The following PPIH variants were observed in gnomAD, a reference collection of about 807,000 sequenced individuals.
PPIH encodes the protein peptidyl-prolyl cis-trans isomerase H.
Under a neutral mutation model 27.6 loss-of-function variants are expected in PPIH, and 16 were observed. The ratio of observed to expected loss-of-function variants is 0.58; its 90% CI spans 0.39 to 0.88. The LOEUF (loss-of-function observed/expected upper bound fraction) is 0.88. Among genes scored for constraint, PPIH ranks in the 40% least tolerant of loss-of-function variants. The pLI, the probability that PPIH is intolerant of heterozygous loss-of-function variation, is 0.00. For missense variants in PPIH, 155 were observed against 224.1 expected (o/e 0.69, Z 1.97); for synonymous variants, 63 against 76.1 (o/e 0.83, Z 0.90).
downstream of PPIH, chr1:42,681,262 T>G (rs1650009785): frequency 6.6e-6 from 1 of 152,236 alleles, no homozygotes; most frequent in African/African-American, 2.4e-5. Flanking sequence ...ATTCGAGTCT[T>G]ACTGAACTAC....
At chr1:42,659,812 C>T (rs570470708) in intron 4 of PPIH, among the ~76,000 whole-genome samples, 6 of 152,118 alleles carry the variant, frequency 3.9e-5, no homozygotes, top group African/African-American at 1.2e-4. Context: ...CTTGTTTGTG[C>T]GAATGCAGAT....
At chr1:42,668,253 T>C (rs1649447912) in intron 9 of PPIH, among the ~76,000 whole-genome samples, 1 of 152,202 alleles carries the variant, frequency 6.6e-6, no homozygotes, top group South Asian at 2.1e-4. Flanking sequence ...TCACTTAGAT[T>C]CACCAATGAT....
intron 8 of PPIH, among the ~76,000 whole-genome samples, chr1:42,667,051 T>G (rs931518238): frequency 6.6e-6 from 1 of 152,184 alleles, no homozygotes; most frequent in African/African-American, 2.4e-5. Context: ...TAGGCACAGT[T>G]CAAATACCCC....
chr1:42,677,420 C>A (rs1312322121), downstream of PPIH, among the ~76,000 whole-genome samples: 1 of 151,996 alleles, frequency 6.6e-6, no homozygotes, highest in South Asian at 2.1e-4. Context: ...TGCAGTGAGC[C>A]GAGATCGCGC....
chr1:42,662,559 A>G (rs558223172), intron 5 of PPIH, among the ~76,000 whole-genome samples: 27 of 145,718 alleles, frequency 1.9e-4, no homozygotes, highest in Admixed American at 2.7e-4. Flanking sequence ...GTCTAAAGGG[A>G]AAAAAAAAAA....
chr1:42,678,193 C>G (rs546106694), downstream of PPIH, among the ~76,000 whole-genome samples: 4 of 152,214 alleles, frequency 2.6e-5, no homozygotes, highest in South Asian at 2.1e-4. Flanking sequence ...GGAGGATGAA[C>G]AGCTGTGATC....
intron 9 of PPIH, 32 bp downstream of exon 9, chr1:42,667,472 A>C (rs1649405365): frequency 6.6e-7 from 1 of 1,514,040 alleles, no homozygotes. Context: ...TAGGTTAGGA[A>C]TCAGACCTCA....
intron 4 of PPIH, among the ~76,000 whole-genome samples, chr1:42,660,189 T>C (rs949308106): frequency 2.0e-5 from 3 of 152,202 alleles, no homozygotes; most frequent in Non-Finnish European, 2.9e-5. Flanking sequence ...CTTACATGTT[T>C]AGCAGTACAT....
At chr1:42,666,198 G>T in intron 7 of PPIH, 131 bp downstream of exon 7, 1 of 851,030 alleles carries the variant, frequency 1.2e-6, no homozygotes. Context: ...AGAGAAAACA[G>T]AAATGGTGGG....
intron 3 of PPIH, 28 bp downstream of exon 3, chr1:42,659,279 T>C: frequency 6.2e-7 from 1 of 1,614,228 alleles, no homozygotes; most frequent in Non-Finnish European, 8.5e-7. Flanking sequence ...TTGACTTCTT[T>C]GCCTGCTCCA....
chr1:42,674,198 G>A (rs1371273736), intron 9 of PPIH, among the ~76,000 whole-genome samples: 1 of 152,234 alleles, frequency 6.6e-6, no homozygotes, highest in African/African-American at 2.4e-5. Flanking sequence ...TAAATGCCCG[G>A]ATCTTCCCAG....
At chr1:42,665,081 C>G in intron 6 of PPIH, 126 bp downstream of exon 6, 1 of 747,364 alleles carries the variant, frequency 1.3e-6, no homozygotes, top group Non-Finnish European at 2.2e-6. Context: ...CAGGACTCAC[C>G]TTTACCACCT....
chr1:42,677,806 CAG>C (rs1649933054), downstream of PPIH, among the ~76,000 whole-genome samples: 1 of 152,194 alleles, frequency 6.6e-6, no homozygotes, highest in African/African-American at 2.4e-5. Flanking sequence ...GCCTGAGTGA[CAG>C]AGTGAGACCC....
intron 9 of PPIH, among the ~76,000 whole-genome samples, chr1:42,669,091 T>C (rs987764762): frequency 4.0e-5 from 6 of 150,236 alleles, no homozygotes; most frequent in Non-Finnish European, 7.4e-5. Flanking sequence ...ATGCCTGTAG[T>C]CCCAGCTACT....
intron 5 of PPIH, among the ~76,000 whole-genome samples, chr1:42,661,931 G>C (rs1020492149): frequency 9.2e-5 from 14 of 152,124 alleles, no homozygotes; most frequent in Admixed American, 6.6e-4. Context: ...GTGACAATTG[G>C]TTGGAATCAA....
chr1:42,669,999 A>G lies in PPIH; in HGVS notation c.*21+2559A>G, dbSNP rs1483940184. On this transcript the variant is annotated intron_variant, in intron 9 of 9. Transcript: ENST00000304979. ...TTTAATGACTCTACAACACACCTTT[A>G]TCTGTGACCAACTCTGTTCAGAAAG... Among the ~76,000 whole-genome samples the G allele has an allele frequency of 2.0e-5, 3 of 152,180 alleles. No homozygotes were observed. In the East Asian group the frequency reaches 5.8e-4, roughly 29 times the overall value.
rs534063295 is a variant in PPIH, at chr1:42,670,295, C to T, written c.*21+2855C>T. Among the ~76,000 whole-genome samples the T allele has an allele frequency of 2.6e-5, 4 of 152,280 alleles. No individual in the cohort carries two copies. In the South Asian group the frequency reaches 8.3e-4, roughly 32 times the overall value. ...TTCAATGGCTGCTGGCCATTCCCTC[C>T]GTCTCCTACTCATTTCTTTGCTGTA... is the stretch of plus-strand genomic sequence containing the variant. On this transcript the variant is annotated intron_variant, in intron 9 of 9. Coordinates refer to ENST00000304979, the MANE Select transcript of PPIH (RefSeq NM_006347.4).
At chr1:42,676,761 T>G (rs1649905708), downstream of PPIH, 1 of 149,288 alleles carries the variant, frequency 6.7e-6, no homozygotes, top group East Asian at 2.0e-4. Context: ...TATGCGTATG[T>G]TTTTTTTTTC....
At chr1:42,680,394 T>C (rs575091804), downstream of PPIH, among the ~76,000 whole-genome samples, 1 of 152,238 alleles carries the variant, frequency 6.6e-6, no homozygotes, top group Non-Finnish European at 1.5e-5. Context: ...TTGCTACCTC[T>C]GCTCCTGCAG....
Sources: gnomAD v4.1 joint callset for allele counts (sites outside exome capture counted in the v4.1 genomes callset) on GRCh38, gnomAD v4.1.1 for gene constraint, MANE v1.5 for transcripts, NCBI Gene and HGNC (gene_info 2026-07-23, HGNC 2026-07-21) for gene names.